The following UBXN11 variants were observed in gnomAD, a reference collection of about 807,000 sequenced individuals.
The protein encoded by UBXN11 is UBX domain protein 11.
A neutral mutation model predicts 62.8 loss-of-function variants in UBXN11; 47 were observed. The ratio of observed to expected loss-of-function variants is 0.75; its 90% CI spans 0.59 to 0.95. UBXN11 has a LOEUF of 0.95. Among genes scored for constraint, UBXN11 ranks in the 40% least tolerant of loss-of-function variants. UBXN11 has a pLI of 0.00. For missense variants in UBXN11, 638 were observed against 661.7 expected (o/e 0.96, Z 0.39); for synonymous variants, 294 against 267.0 (o/e 1.10, Z -0.99).
upstream of UBXN11, among the ~76,000 whole-genome samples, chr1:26,309,939 GTTC>G (rs1049124997): frequency 2.0e-5 from 3 of 152,166 alleles, no homozygotes; most frequent in Non-Finnish European, 4.4e-5. Flanking sequence ...CTGAAAAGGT[GTTC>G]TTCTTTTCTT....
At position 26,303,449 on chromosome 1, in the gene UBXN11, C is replaced by T. The variant is rs541260359; in HGVS notation, c.-35-531G>A. 1.9e-3 allele frequency among the ~76,000 whole-genome samples: 284 copies of T among 152,000 alleles called. 2 individuals are homozygous for T. Among genetic ancestry groups the T allele is most frequent in the African/African-American group, 5.8e-3 (240 of 41,440 alleles). On this transcript the variant is annotated intron_variant, in intron 1 of 14. Coordinates refer to ENST00000374222, the MANE Select transcript of UBXN11 (RefSeq NM_001389556.1). ...AGATCAGCTGTCCGACATGGTGAAA[C>T]CCTGTCTCTACTAAAAACACAAAAA...
chr1:26,302,995 T>G, intron 1 of UBXN11, 77 bp from the exon 2 acceptor site: 3 of 953,696 alleles, frequency 3.1e-6, no homozygotes, highest in Non-Finnish European at 4.8e-6. Context: ...AAGTTTCCAC[T>G]TCCCTGGCTA....
chr1:26,286,117 C>A, intron 8 of UBXN11, 80 bp from the exon 9 acceptor site: 2 of 1,344,520 alleles, frequency 1.5e-6, no homozygotes, highest in East Asian at 2.5e-5. Context: ...GGCTCCCTCC[C>A]AAGCTGGGCA....
At chr1:26,293,161 C>T (rs1410361867) in intron 8 of UBXN11, among the ~76,000 whole-genome samples, 1 of 152,192 alleles carries the variant, frequency 6.6e-6, no homozygotes, top group African/African-American at 2.4e-5. Context: ...TCATTTGCTC[C>T]TTGTAACTCC....
chr1:26,297,281 C>G, intron 6 of UBXN11, 146 bp downstream of exon 6: 1 of 980,640 alleles, frequency 1.0e-6, no homozygotes, highest in Non-Finnish European at 1.5e-6. Flanking sequence ...TGCTGCAGCC[C>G]CTCTGTGGGC....
upstream of UBXN11, chr1:26,306,717 A>G (rs2073676731): frequency 6.6e-6 from 1 of 151,360 alleles, no homozygotes. Flanking sequence ...GCAGACAGCG[A>G]AGGTGGATAC....
Position 26,302,918 on chromosome 1 carries a change from C to T in UBXN11, c.-35G>A, listed in dbSNP as rs1159634111. 1 of 1,603,592 alleles carries T rather than the reference C, an allele frequency of 6.2e-7. No homozygotes were observed. Among genetic ancestry groups the T allele is most frequent in the Non-Finnish European group, 8.5e-7 (1 of 1,171,954 alleles). On this transcript the variant is annotated splice_region_variant and 5_prime_UTR_variant, in exon 2 of 15. Coordinates refer to ENST00000374222, the MANE Select transcript of UBXN11 (RefSeq NM_001389556.1). Reference sequence around the variant, plus strand: ...TCTAGAATCCAGCTGTCAGGAACTCCCTAGAGGAATGCAGGAAGTCAGCCC... The same window carrying T: ...TCTAGAATCCAGCTGTCAGGAACTCTCTAGAGGAATGCAGGAAGTCAGCCC...
intron 1 of UBXN11, among the ~76,000 whole-genome samples, chr1:26,315,960 C>T (rs4322219): frequency 0.19 from 21,953 of 114,518 alleles, 2,043 homozygotes; most frequent in Middle Eastern, 0.29. Flanking sequence ...GTTTCCTGGC[C>T]TTTTTTTTTT....
At position 26,294,356 on chromosome 1, in the gene UBXN11, G is replaced by A. The variant is rs200581945; in HGVS notation, c.433-25C>T. On this transcript the variant is annotated intron_variant, in intron 7 of 14. Transcript: ENST00000374222. The stretch of plus-strand genomic sequence containing the variant: ...GCTGTGGGAAAGAAGGGGGAGATGC[G>A]GGGCACCGTCAGCTCAGCCCCTTCC... 19 of 1,035,338 alleles carry A rather than the reference G, an allele frequency of 1.8e-5. No individual in the cohort carries two copies. The Admixed American group carries it at 2.3e-4, about 13-fold the overall frequency. The allele number at this position is 1,035,338 out of a possible 1,614,324, so 64.1% of individuals were successfully genotyped here.
At chr1:26,315,938 G>A (rs1333620212) in intron 1 of UBXN11, among the ~76,000 whole-genome samples, 1 of 150,092 alleles carries the variant, frequency 6.7e-6, no homozygotes, top group Non-Finnish European at 1.5e-5. Context: ...GGGATTACAG[G>A]CGTGAGCCAC....
upstream of UBXN11, among the ~76,000 whole-genome samples, chr1:26,308,409 C>T (rs6598957): frequency 0.87 from 132,897 of 152,170 alleles, 59,000 homozygotes; most frequent in Non-Finnish European, 0.93. Flanking sequence ...CAAGAGTCCA[C>T]GCTCTTCCTA....
intron 8 of UBXN11, among the ~76,000 whole-genome samples, chr1:26,291,307 G>A (rs1230781693): frequency 6.6e-6 from 1 of 152,198 alleles, no homozygotes; most frequent in Non-Finnish European, 1.5e-5. Context: ...AGATGTCCCA[G>A]GAACAGAAGC....
chr1:26,305,064 G>A (rs1286257565), intron 1 of UBXN11, among the ~76,000 whole-genome samples: 1 of 152,134 alleles, frequency 6.6e-6, no homozygotes, highest in Non-Finnish European at 1.5e-5. Flanking sequence ...AGTACAGAAA[G>A]ATCCTTTGTA....
At chr1:26,298,139 G>C in intron 4 of UBXN11, 77 bp from the exon 5 acceptor site, 1 of 1,471,252 alleles carries the variant, frequency 6.8e-7, no homozygotes, top group African/African-American at 1.4e-5. Context: ...GGAGGATAGG[G>C]GTCCCAGGAA....
chr1:26,282,646 C>T lies in UBXN11; in HGVS notation c.1292+3G>A, dbSNP rs1358065749. 6.2e-6 allele frequency: 10 copies of T among 1,613,878 alleles called. No homozygotes were observed. Among genetic ancestry groups the T allele is most frequent in the South Asian group, 3.3e-5 (3 of 91,090 alleles). On this transcript the variant is annotated splice_donor_region_variant and intron_variant, in intron 14 of 14. Coordinates refer to ENST00000374222, the MANE Select transcript of UBXN11 (RefSeq NM_001389556.1). ...TGTGGCCCTGGCCCTGCCCTGCACC[C>T]ACCTGGCCTGCGCTAGCAGAGCTCG... is the stretch of plus-strand genomic sequence containing the variant.
rs966096023 is a variant in UBXN11 at position 26,297,467 on chromosome 1, C to T, written c.315G>A (p.Ala105=). The change falls in exon 6 of 15, where the codon GCG becomes GCA. Residue 105 remains alanine, a synonymous_variant. Coordinates refer to ENST00000374222, the MANE Select transcript of UBXN11 (RefSeq NM_001389556.1). ...DEILSKDQKI[A]ALEDLVQTLR... ...GGGTCTGCACCAGGTCCTCTAGGGC[C>T]GCTATCTTCTGATCCTGTAGCATAA... 10 of 1,556,146 alleles carry T rather than the reference C, an allele frequency of 6.4e-6. No individual in the cohort carries two copies. The highest frequency in any genetic ancestry group is 2.4e-5 in the East Asian group (1 of 41,224).
At chr1:26,314,984 G>A (rs1409836696) in intron 1 of UBXN11, among the ~76,000 whole-genome samples, 2 of 152,162 alleles carry the variant, frequency 1.3e-5, no homozygotes, top group African/African-American at 4.8e-5. Flanking sequence ...AGGAGGATGA[G>A]GCGGGAGGAT....
intron 1 of UBXN11, among the ~76,000 whole-genome samples, chr1:26,303,441 T>C (rs902040747): frequency 3.3e-5 from 5 of 151,872 alleles, no homozygotes; most frequent in African/African-American, 1.2e-4. Context: ...CTGTCCGACA[T>C]GGTGAAACCC....
Position 26,300,973 on chromosome 1 carries a change from G to C in UBXN11, c.152C>G (p.Ser51Ter). The C allele has an allele frequency of 1.2e-6, 2 of 1,614,210 alleles. No individual in the cohort carries two copies. The highest frequency in any genetic ancestry group is 1.7e-6 in the Non-Finnish European group (2 of 1,180,020). The change falls in exon 4 of 15, where the codon TCA (serine) becomes TGA (stop). Residue 51 changes from serine to a stop codon, truncating the protein, a stop_gained. Transcript: ENST00000374222. LOFTEE classifies it high-confidence loss of function. ...TATGCCGCCATAGCAGGAAGGGACT[G>C]AGATCTTTTCTTCTGAGCCACACCC... ...SDGCGSEEKI[S>*]VPSCYGGIGA...
Sources: gnomAD v4.1 joint callset for allele counts (sites outside exome capture counted in the v4.1 genomes callset) on GRCh38, gnomAD v4.1.1 for gene constraint, MANE v1.5 for transcripts, NCBI Gene and HGNC (gene_info 2026-07-23, HGNC 2026-07-21) for gene names.